CCDC7: variants seen among roughly 807,000 people sequenced by gnomAD.
CCDC7 encodes coiled-coil domain-containing protein 7.
A neutral mutation model predicts 196.9 loss-of-function variants in CCDC7; 183 were observed. The observed-to-expected ratio is 0.93, with a 90% CI of 0.82 to 1.05. The LOEUF is 1.05. Ranked by LOEUF, CCDC7 falls within the 50% of genes least tolerant of loss-of-function variation. The pLI is 0.00. For missense variants in CCDC7, 1,540 were observed against 1,482.2 expected, an observed-to-expected ratio of 1.04 and a Z score of -0.64; for synonymous variants, 525 against 484.6, an observed-to-expected ratio of 1.08 and a Z score of -1.10.
intron 21 of CCDC7, among the ~76,000 whole-genome samples, chr10:32,673,095 A>G (rs2074336073): frequency 6.6e-6 from 1 of 152,162 alleles, no homozygotes; most frequent in Non-Finnish European, 1.5e-5. Context: ...GCAGAAGATA[A>G]GTTCACAATA....
chr10:32,651,387 G>C (rs1048798380), intron 20 of CCDC7, among the ~76,000 whole-genome samples: 12 of 152,252 alleles, frequency 7.9e-5, no homozygotes, highest in Admixed American at 2.0e-4. Flanking sequence ...TCCAGAGATT[G>C]GTTCAAATTA....
rs370970431 is a variant in CCDC7, at chr10:32,565,184, T to A, written c.1135-374T>A. 4.6e-5 allele frequency among the ~76,000 whole-genome samples: 7 copies of A among 152,326 alleles called. No individual in the cohort carries two copies. In the East Asian group the frequency reaches 1.3e-3, roughly 29 times the overall value. ...TTGATGGAGAATTCCTGGAACATCA[T>A]GTGTAATAGAATTTACTCATTTGCA... On this transcript the variant is annotated intron_variant, in intron 13 of 41. Transcript: ENST00000639629.
chr10:32,857,039 C>A (rs776019096), intron 41 of CCDC7, among the ~76,000 whole-genome samples: 3 of 152,166 alleles, frequency 2.0e-5, no homozygotes, highest in Non-Finnish European at 4.4e-5. Flanking sequence ...TTGGCTGCCT[C>A]TGGCCTGTGT....
chr10:32,642,390 G>A (rs1044761077), intron 20 of CCDC7, among the ~76,000 whole-genome samples: 3 of 152,202 alleles, frequency 2.0e-5, no homozygotes, highest in South Asian at 2.1e-4. Context: ...CTTGCAGTTT[G>A]ATCTCAGACT....
At chr10:32,528,433 C>T (rs1442964971) in intron 11 of CCDC7, among the ~76,000 whole-genome samples, 2 of 147,352 alleles carry the variant, frequency 1.4e-5, no homozygotes, top group Non-Finnish European at 3.0e-5. Flanking sequence ...GTCCTCAACA[C>T]CCATTGCATT....
intron 9 of CCDC7, among the ~76,000 whole-genome samples, chr10:32,498,119 G>T (rs1026242679): frequency 1.3e-5 from 2 of 152,172 alleles, no homozygotes; most frequent in Non-Finnish European, 2.9e-5. Context: ...AGCTCTTCTT[G>T]CTGCATTGAT....
intron 13 of CCDC7, among the ~76,000 whole-genome samples, chr10:32,546,245 C>G (rs1187835818): frequency 1.3e-5 from 2 of 152,218 alleles, no homozygotes; most frequent in Non-Finnish European, 2.9e-5. Context: ...TCTTGCTACT[C>G]ACTGACCTTA....
At chr10:32,633,896 C>T (rs1212104917) in intron 18 of CCDC7, among the ~76,000 whole-genome samples, 8 of 151,314 alleles carry the variant, frequency 5.3e-5, no homozygotes, top group African/African-American at 1.7e-4. Flanking sequence ...TATTGTTTTC[C>T]GGTTTGTTTT....
intron 8 of CCDC7, among the ~76,000 whole-genome samples, chr10:32,486,984 C>A (rs182101267): frequency 6.6e-6 from 1 of 151,962 alleles, no homozygotes; most frequent in African/African-American, 2.4e-5. Flanking sequence ...AGTTGCTGTT[C>A]TCGAGGAATG....
chr10:32,764,096 C>T (rs1456851902), intron 28 of CCDC7, among the ~76,000 whole-genome samples: 1 of 151,798 alleles, frequency 6.6e-6, no homozygotes, highest in Non-Finnish European at 1.5e-5. Flanking sequence ...ACAGAAGCAG[C>T]CTTTTCATTC....
rs753769301 is a variant in CCDC7 at position 32,640,864 on chromosome 10, C to CTTTTTTTTTTTTTTTTT, written c.2014+5717_2014+5718insTTTTTTTTTTTTTTTTT. On this transcript the variant is annotated intron_variant, in intron 20 of 41. Transcript: ENST00000639629. Reference sequence around the variant, plus strand: ...CAGTCTCTTCTGGCTTGTAGATTTTCTTTTTTTTTTTCTTTTTTTTTTTAT... The same window carrying CTTTTTTTTTTTTTTTTT: ...CAGTCTCTTCTGGCTTGTAGATTTTCTTTTTTTTTTTTTTTTTTTTTTTTTTTTCTTTTTTTTTTTAT... Among the ~76,000 whole-genome samples the CTTTTTTTTTTTTTTTTT allele has an allele frequency of 8.3e-4, 62 of 74,538 alleles. 4 individuals carry two copies. The highest frequency in any genetic ancestry group is 1.0e-3 in the Non-Finnish European group (33 of 32,718). The allele number at this position is 74,538 out of a possible 152,430, so 48.9% of individuals were successfully genotyped here.
At chr10:32,568,542 T>A (rs2136988389) in intron 15 of CCDC7, among the ~76,000 whole-genome samples, 1 of 152,304 alleles carries the variant, frequency 6.6e-6, no homozygotes, top group African/African-American at 2.4e-5. Context: ...ATAAAAATTA[T>A]TAAAGTTGTT....
At chr10:32,795,773 G>T (rs2083455023) in intron 29 of CCDC7, among the ~76,000 whole-genome samples, 1 of 151,968 alleles carries the variant, frequency 6.6e-6, no homozygotes, top group South Asian at 2.1e-4. Flanking sequence ...TTGGCACTAG[G>T]TGGAGCCTTA....
intron 20 of CCDC7, among the ~76,000 whole-genome samples, chr10:32,639,328 G>C (rs1266223822): frequency 6.6e-6 from 1 of 151,664 alleles, no homozygotes; most frequent in Non-Finnish European, 1.5e-5. Context: ...GTTATGTTAG[G>C]GTGTCCATTT....
chr10:32,505,168 T>TTTTATTTA (rs151121071), intron 9 of CCDC7, among the ~76,000 whole-genome samples: 95 of 150,964 alleles, frequency 6.3e-4, no homozygotes, highest in African/African-American at 1.4e-3. Flanking sequence ...CCCAGCTAAT[T>TTTTATTTA]TTTATTTATT....
At chr10:32,478,915 A>G (rs2039485901) in intron 8 of CCDC7, among the ~76,000 whole-genome samples, 1 of 152,140 alleles carries the variant, frequency 6.6e-6, no homozygotes. Context: ...GAATTTGCCA[A>G]GTGAAACCAT....
intron 12 of CCDC7, 41 bp from the exon 14 acceptor site, chr10:32,544,206 T>A (rs773669123): frequency 2.6e-6 from 4 of 1,546,334 alleles, no homozygotes; most frequent in Non-Finnish European, 3.5e-6. Context: ...GTGATGCATT[T>A]AAAAATATCA....
intron 32 of CCDC7, among the ~76,000 whole-genome samples, chr10:32,825,990 G>A (rs965822323): frequency 2.6e-5 from 4 of 152,170 alleles, no homozygotes; most frequent in African/African-American, 7.2e-5. Flanking sequence ...ATCCCCAGTA[G>A]TGACAACATC....
chr10:32,863,070 G>A (rs1281951068), intron 41 of CCDC7, among the ~76,000 whole-genome samples: 1 of 151,896 alleles, frequency 6.6e-6, no homozygotes, highest in Non-Finnish European at 1.5e-5. Flanking sequence ...TATGTTCATA[G>A]TACTCAAAGC....
Sources: allele counts gnomAD v4.1 joint callset (sites outside exome capture counted in the v4.1 genomes callset), GRCh38; gene constraint gnomAD v4.1.1; transcripts MANE v1.5; gene names NCBI Gene and HGNC (gene_info 2026-07-23, HGNC 2026-07-21).